Variants in KLRG1 observed in about 807,000 individuals in gnomAD.
KLRG1 encodes killer cell lectin-like receptor subfamily G member 1.
A neutral mutation model predicts 21.8 loss-of-function variants in KLRG1; 16 were observed. The ratio of observed to expected loss-of-function variants is 0.73; its 90% CI spans 0.50 to 1.11. The LOEUF (loss-of-function observed/expected upper bound fraction) is 1.11, where lower values mean the gene tolerates loss of function less well. Among genes scored for constraint, KLRG1 ranks in the 50% most tolerant of loss-of-function variants. The pLI is 0.00. For synonymous variants in KLRG1, 69 were observed against 75.9 expected, an observed-to-expected ratio of 0.91 and a Z score of 0.47; for missense variants, 173 against 218.3, an observed-to-expected ratio of 0.79 and a Z score of 1.31.
At chr12:9,000,283 G>T (rs1947266916) in intron 3 of KLRG1, among the ~76,000 whole-genome samples, 1 of 152,150 alleles carries the variant, frequency 6.6e-6, no homozygotes, top group African/African-American at 2.4e-5. Context: ...TCACAGTCTG[G>T]TAATGTGCAT....
the KLRG1 span, among the ~76,000 whole-genome samples, chr12:9,214,065 T>C: frequency 6.6e-6 from 1 of 152,050 alleles, no homozygotes; most frequent in African/African-American, 2.4e-5. Context: ...TTTGTTTTTT[T>C]CATCATTTAT....
chr12:9,138,005 T>G, the KLRG1 span, among the ~76,000 whole-genome samples: 16 of 152,166 alleles, frequency 1.1e-4, no homozygotes, highest in Non-Finnish European at 2.9e-5. Context: ...TTGGTAGGCT[T>G]TAATTTATTT....
the KLRG1 span, among the ~76,000 whole-genome samples, chr12:9,185,624 C>T: frequency 3.3e-5 from 5 of 150,798 alleles, no homozygotes; most frequent in South Asian, 1.1e-3. Context: ...CCCTAAGACA[C>T]ACAATCATCA....
chr12:8,960,219 C>A (rs942070339), intron 1 of KLRG1, among the ~76,000 whole-genome samples: 1 of 152,162 alleles, frequency 6.6e-6, no homozygotes, highest in Non-Finnish European at 1.5e-5. Flanking sequence ...GGAACCCAGA[C>A]AGAGCCTGCC....
At chr12:9,112,335 C>A in the KLRG1 span, 1 of 1,603,996 alleles carries the variant, frequency 6.2e-7, no homozygotes, top group Non-Finnish European at 8.5e-7. Flanking sequence ...GGAAGAAGAT[C>A]TTTCCTTTTT....
the KLRG1 span, chr12:9,203,932 G>T: frequency 6.2e-7 from 1 of 1,613,362 alleles, no homozygotes; most frequent in Non-Finnish European, 8.5e-7. Context: ...AGCAGGGAGG[G>T]GACCAGCACC....
At chr12:9,100,211 A>G in the KLRG1 span, among the ~76,000 whole-genome samples, 1 of 152,314 alleles carries the variant, frequency 6.6e-6, no homozygotes, top group South Asian at 2.1e-4. Context: ...CTTGAAAGGG[A>G]AAAAAGATAT....
At chr12:9,192,277 A>G in the KLRG1 span, 1 of 1,611,810 alleles carries the variant, frequency 6.2e-7, no homozygotes. Flanking sequence ...AAAACAGTGA[A>G]GGAAATTTCT....
chr12:9,176,336 A>G, the KLRG1 span, among the ~76,000 whole-genome samples: 1 of 152,142 alleles, frequency 6.6e-6, no homozygotes, highest in Non-Finnish European at 1.5e-5. Flanking sequence ...AAGAAGAATA[A>G]CTAATGGATG....
At chr12:9,162,455 T>C in the KLRG1 span, 1 of 644,228 alleles carries the variant, frequency 1.6e-6, no homozygotes, top group Non-Finnish European at 2.7e-6. Context: ...CTGTAAAACA[T>C]ACATAAAGAA....
At chr12:9,108,590 G>A in the KLRG1 span, among the ~76,000 whole-genome samples, 1 of 152,226 alleles carries the variant, frequency 6.6e-6, no homozygotes, top group African/African-American at 2.4e-5. Context: ...ATCACTGTGA[G>A]ACAGAACTGG....
intron 1 of KLRG1, among the ~76,000 whole-genome samples, chr12:8,969,301 C>T (rs1400987306): frequency 6.6e-6 from 1 of 152,168 alleles, no homozygotes; most frequent in East Asian, 1.9e-4. Flanking sequence ...ATGCAGTGGC[C>T]AGTACAGCGT....
At chr12:9,143,855 C>G in the KLRG1 span, among the ~76,000 whole-genome samples, 1 of 152,142 alleles carries the variant, frequency 6.6e-6, no homozygotes, top group African/African-American at 2.4e-5. Flanking sequence ...TTGTTGAGCA[C>G]CTATGTGGAC....
At chr12:9,182,174 A>C in the KLRG1 span, 1 of 166,776 alleles carries the variant, frequency 6.0e-6, no homozygotes, top group Non-Finnish European at 9.5e-6. Flanking sequence ...AAGGTCATAA[A>C]AATAGTGTCA....
At chr12:9,212,748 A>G in the KLRG1 span, among the ~76,000 whole-genome samples, 3 of 151,888 alleles carry the variant, frequency 2.0e-5, no homozygotes, top group Non-Finnish European at 4.4e-5. Flanking sequence ...GAAAAAAAAA[A>G]CCAGTAAATT....
the KLRG1 span, chr12:9,169,560 G>A: frequency 6.2e-6 from 10 of 1,612,828 alleles, no homozygotes; most frequent in South Asian, 1.1e-5. Flanking sequence ...AGGAAAATTG[G>A]TGAGATCCTT....
chr12:8,967,398 C>G (rs1383880403), intron 1 of KLRG1, among the ~76,000 whole-genome samples: 1 of 152,068 alleles, frequency 6.6e-6, no homozygotes, highest in South Asian at 2.1e-4. Flanking sequence ...TAAAAGACAC[C>G]TGTTTTAATT....
At chr12:9,131,801 T>C in the KLRG1 span, among the ~76,000 whole-genome samples, 2 of 151,842 alleles carry the variant, frequency 1.3e-5, no homozygotes, top group Non-Finnish European at 2.9e-5. Context: ...TATATACACA[T>C]TTCTAAATTT....
At chr12:9,174,888 A>G in the KLRG1 span, among the ~76,000 whole-genome samples, 1 of 152,224 alleles carries the variant, frequency 6.6e-6, no homozygotes, top group Non-Finnish European at 1.5e-5. Context: ...CATACTGCCC[A>G]AAGTATTTTA....
Sources: gnomAD v4.1 joint callset for allele counts (sites outside exome capture counted in the v4.1 genomes callset) on GRCh38, gnomAD v4.1.1 for gene constraint, MANE v1.5 for transcripts, NCBI Gene and HGNC (gene_info 2026-07-23, HGNC 2026-07-21) for gene names.